Variants in SNAP25 observed in about 807,000 individuals in gnomAD.
SNAP25 encodes synaptosome associated protein 25.
Under a neutral mutation model 28.7 loss-of-function variants are expected in SNAP25, and 3 were observed. That is an observed-to-expected ratio of 0.10 (90% CI 0.05 to 0.27). The LOEUF (loss-of-function observed/expected upper bound fraction) is 0.27. Among genes scored for constraint, SNAP25 ranks in the 10% least tolerant of loss-of-function variants. The pLI is 1.00. For synonymous variants in SNAP25, 61 were observed against 88.1 expected, an observed-to-expected ratio of 0.69 and a Z score of 1.72; for missense variants, 117 against 278.7, an observed-to-expected ratio of 0.42 and a Z score of 4.13.
intron 1 of SNAP25, among the ~76,000 whole-genome samples, chr20:10,239,922 T>C (rs1243641371): frequency 1.3e-5 from 2 of 152,312 alleles, no homozygotes; most frequent in Non-Finnish European, 2.9e-5. Flanking sequence ...GGTGTATTCA[T>C]TAGCTATTGC....
chr20:10,234,843 A>G (rs2122693332), intron 1 of SNAP25, among the ~76,000 whole-genome samples: 1 of 152,326 alleles, frequency 6.6e-6, no homozygotes, highest in Non-Finnish European at 1.5e-5. Context: ...GATATACTGA[A>G]GCCACTTTCA....
intron 1 of SNAP25, among the ~76,000 whole-genome samples, chr20:10,228,913 C>A (rs547674609): frequency 7.9e-5 from 12 of 152,228 alleles, no homozygotes; most frequent in Admixed American, 6.5e-4. Flanking sequence ...TTAGCTTGAT[C>A]AGCATGCATA....
rs561897069 is a variant in SNAP25 at position 10,279,648 on chromosome 20, G to A, written c.114+1922G>A. Among the ~76,000 whole-genome samples the A allele has an allele frequency of 3.1e-3, 475 of 152,258 alleles. 6 individuals are homozygous for A. The Middle Eastern group carries it at 0.038, about 12-fold the overall frequency. ...ATGAGTATCTGCTCTAATTTATTCT[G>A]GGGGAAAATCTCTCAAAAGCTTATT... On this transcript the variant is annotated intron_variant, in intron 3 of 7. Coordinates refer to ENST00000254976, the MANE Select transcript of SNAP25 (RefSeq NM_130811.4).
At chr20:10,252,332 T>C (rs1436994944) in intron 1 of SNAP25, among the ~76,000 whole-genome samples, 2 of 152,190 alleles carry the variant, frequency 1.3e-5, no homozygotes, top group Non-Finnish European at 2.9e-5. Context: ...AAAATTTGTT[T>C]AATTGGGTTC....
chr20:10,245,934 A>T (rs573149552), intron 1 of SNAP25, among the ~76,000 whole-genome samples: 19 of 152,352 alleles, frequency 1.2e-4, no homozygotes, highest in African/African-American at 4.6e-4. Context: ...AAGCATCTTA[A>T]TTCACTTCAT....
At chr20:10,225,229 GA>G (rs1349546003) in intron 1 of SNAP25, among the ~76,000 whole-genome samples, 3 of 118,380 alleles carry the variant, frequency 2.5e-5, no homozygotes, top group African/African-American at 7.8e-5. Context: ...ACATGTCCCG[GA>G]GGGGAAAAAA....
intron 7 of SNAP25, 115 bp from the exon 8 acceptor site, chr20:10,306,014 G>T: frequency 1.2e-6 from 1 of 849,540 alleles, no homozygotes; most frequent in South Asian, 1.5e-5. Flanking sequence ...GGCCCATGCT[G>T]ACCAAGGAGG....
chr20:10,293,009 G>C lies in SNAP25; in HGVS notation c.164-152G>C. On this transcript the variant is annotated intron_variant, in intron 4 of 7. Transcript: ENST00000254976. This position sits in a 1 kb window ranked among gnomAD's most constrained non-coding sequence, Gnocchi z 5.6. ...TATGTCCTTGTAACAAGTAGGTACT[G>C]GGTACCAGCTCTAATCTGTGGCGTC... The C allele has an allele frequency of 6.4e-7, 1 of 1,558,270 alleles. No individual in the cohort carries two copies. Among genetic ancestry groups the C allele is most frequent in the Non-Finnish European group, 8.8e-7 (1 of 1,138,142 alleles).
Position 10,299,316 on chromosome 20 carries a change from G to A in SNAP25, c.456G>A (p.Gln152=). Residue 152 remains glutamine, a synonymous_variant, in exon 7 of 8, where the codon CAG becomes CAA. Coordinates refer to ENST00000254976, the MANE Select transcript of SNAP25 (RefSeq NM_130811.4). ...ATGAAATGGATGAAAACCTAGAGCA[G>A]GTGAGCGGCATCATCGGGAACCTCC... is the stretch of plus-strand genomic sequence containing the variant. ...RENEMDENLE[Q]VSGIIGNLRH... 1.2e-6 allele frequency: 2 copies of A among 1,614,114 alleles called. No individual in the cohort carries two copies. The highest frequency in any genetic ancestry group is 1.7e-6 in the Non-Finnish European group (2 of 1,180,012).
intron 1 of SNAP25, among the ~76,000 whole-genome samples, chr20:10,259,592 G>A (rs2063377430): frequency 6.6e-6 from 1 of 151,944 alleles, no homozygotes; most frequent in Non-Finnish European, 1.5e-5. Context: ...AGGCTGGCGT[G>A]CTATAATGTG....
intron 3 of SNAP25, among the ~76,000 whole-genome samples, chr20:10,283,191 TA>T (rs2063810725): frequency 6.6e-6 from 1 of 152,214 alleles, no homozygotes; most frequent in Non-Finnish European, 1.5e-5. Flanking sequence ...ATATTTATTT[TA>T]GAAACACTTA....
chr20:10,257,307 A>C (rs1287318931), intron 1 of SNAP25, among the ~76,000 whole-genome samples: 1 of 152,250 alleles, frequency 6.6e-6, no homozygotes, highest in East Asian at 1.9e-4. Flanking sequence ...ACAGTGGCTC[A>C]TGCCTGTAAT....
chr20:10,232,133 A>G (rs966873489), intron 1 of SNAP25, among the ~76,000 whole-genome samples: 3 of 152,194 alleles, frequency 2.0e-5, no homozygotes, highest in African/African-American at 4.8e-5. Context: ...TTCTTTCTGT[A>G]CATTGATTCC....
In SNAP25 at chr20:10,284,653, T is replaced by A. The variant is rs2063841408; in HGVS notation, c.115-71T>A. The A allele has an allele frequency of 3.0e-5, 36 of 1,209,050 alleles. 1 individual carries two copies. In the South Asian group the frequency reaches 3.8e-4, roughly 13 times the overall value. The allele number at this position is 1,209,050 out of a possible 1,614,324, so 74.9% of individuals were successfully genotyped here. A position where few individuals can be genotyped will look rare whatever the true frequency, so the allele number is the denominator to read the frequency against. Reference sequence around the variant, plus strand: ...TCCATTTATAGGGCTAATTGTCCCCTTACTGATTTCTCTTTCTCTCTTTTC... The same window carrying A: ...TCCATTTATAGGGCTAATTGTCCCCATACTGATTTCTCTTTCTCTCTTTTC... On this transcript the variant is annotated intron_variant, in intron 3 of 7. Transcript: ENST00000254976.
intron 1 of SNAP25, among the ~76,000 whole-genome samples, chr20:10,236,623 G>T (rs779407697): frequency 1.3e-5 from 2 of 152,036 alleles, no homozygotes; most frequent in Admixed American, 6.6e-5. Flanking sequence ...GAGCACTTTG[G>T]TAATGGGAAC....
chr20:10,302,667 A>G (rs1423654518), intron 7 of SNAP25, among the ~76,000 whole-genome samples: 2 of 152,230 alleles, frequency 1.3e-5, no homozygotes, highest in Non-Finnish European at 2.9e-5. Flanking sequence ...TCTAAATAGA[A>G]ATATAAAAAT....
At chr20:10,221,838 T>G (rs1404783456) in intron 1 of SNAP25, among the ~76,000 whole-genome samples, 1 of 152,212 alleles carries the variant, frequency 6.6e-6, no homozygotes, top group Non-Finnish European at 1.5e-5. Flanking sequence ...CAGTCAGCCT[T>G]CAGCATAACA....
chr20:10,240,974 G>A (rs2063018714), intron 1 of SNAP25, among the ~76,000 whole-genome samples: 1 of 152,182 alleles, frequency 6.6e-6, no homozygotes, highest in African/African-American at 2.4e-5. Context: ...ATGAGCTGGA[G>A]AAAAGCCTCT....
At position 10,293,726 on chromosome 20, in the gene SNAP25, T is replaced by A. The variant is rs1161134406; in HGVS notation, c.281+448T>A. ...ACAGGTAATTTGGCCCAGGGAAGGATTCTATAAATTAGAGAATATGACAGA... is the reference window on the plus strand; with the variant it reads ...ACAGGTAATTTGGCCCAGGGAAGGAATCTATAAATTAGAGAATATGACAGA... On this transcript the variant is annotated intron_variant, in intron 5 of 7. Transcript: ENST00000254976. This position sits in a 1 kb window ranked among gnomAD's most constrained non-coding sequence, Gnocchi z 5.6. Among the ~76,000 whole-genome samples the A allele has an allele frequency of 6.6e-6, 1 of 152,182 alleles. No homozygotes were observed. The highest frequency in any genetic ancestry group is 2.4e-5 in the African/African-American group (1 of 41,448).
Sources: gnomAD v4.1 joint callset for allele counts (sites outside exome capture counted in the v4.1 genomes callset) on GRCh38, gnomAD v4.1.1 for gene constraint, Gnocchi (gnomAD v3.1) non-coding constraint, MANE v1.5 for transcripts, NCBI Gene and HGNC (gene_info 2026-07-23, HGNC 2026-07-21) for gene names.